Variants in ZNF385D observed in about 807,000 individuals in gnomAD.
ZNF385D encodes the protein zinc finger protein 659.
Under a neutral mutation model 35.8 loss-of-function variants are expected in ZNF385D, and 15 were observed. The ratio of observed to expected loss-of-function variants is 0.42; its 90% CI spans 0.28 to 0.64. The LOEUF is 0.64. Among genes scored for constraint, ZNF385D ranks in the 30% least tolerant of loss-of-function variants. The pLI, the probability that ZNF385D is intolerant of heterozygous loss-of-function variation, is 0.23. For synonymous variants in ZNF385D, 212 were observed against 186.8 expected (o/e 1.13, Z -1.10); for missense variants, 474 against 494.6 (o/e 0.96, Z 0.39).
At chr3:21,695,320 G>T (rs2067432153) in intron 1 of ZNF385D, among the ~76,000 whole-genome samples, 1 of 152,158 alleles carries the variant, frequency 6.6e-6, no homozygotes, top group South Asian at 2.1e-4. Context: ...TCTGGAGACA[G>T]GTGATTTTCG....
At chr3:22,062,156 A>T (rs1370495227) in intron 3 of ZNF385D, among the ~76,000 whole-genome samples, 2 of 151,874 alleles carry the variant, frequency 1.3e-5, no homozygotes, top group African/African-American at 4.8e-5. Flanking sequence ...TCCCACCTCA[A>T]CCTCCCAAAT....
At chr3:21,595,400 C>T (rs1024825410) in intron 2 of ZNF385D, among the ~76,000 whole-genome samples, 1 of 150,244 alleles carries the variant, frequency 6.7e-6, no homozygotes, top group South Asian at 2.1e-4. Context: ...GTTTTATATC[C>T]CATTATATAC....
At chr3:21,672,695 A>G (rs1482245374) in intron 1 of ZNF385D, among the ~76,000 whole-genome samples, 3 of 152,162 alleles carry the variant, frequency 2.0e-5, no homozygotes, top group South Asian at 4.1e-4. Flanking sequence ...TAAATATTCC[A>G]GTAAGTCACC....
intron 2 of ZNF385D, among the ~76,000 whole-genome samples, chr3:22,214,223 C>T (rs1418422644): frequency 1.3e-5 from 2 of 152,116 alleles, no homozygotes; most frequent in Non-Finnish European, 1.5e-5. Context: ...ATTTCATGGA[C>T]ACTTATCACT....
At chr3:22,265,636 C>T (rs1309320930) in intron 2 of ZNF385D, among the ~76,000 whole-genome samples, 1 of 151,896 alleles carries the variant, frequency 6.6e-6, no homozygotes, top group Non-Finnish European at 1.5e-5. Flanking sequence ...TATGAGTCAG[C>T]AGTCTGAAGT....
intron 3 of ZNF385D, among the ~76,000 whole-genome samples, chr3:22,126,211 T>A (rs1265546360): frequency 6.6e-6 from 1 of 151,900 alleles, no homozygotes; most frequent in Non-Finnish European, 1.5e-5. Flanking sequence ...TAATGTATCA[T>A]ATTGACTGAT....
At chr3:22,150,755 CAT>C (rs371058778) in intron 3 of ZNF385D, among the ~76,000 whole-genome samples, 1 of 151,872 alleles carries the variant, frequency 6.6e-6, no homozygotes, top group African/African-American at 2.4e-5. Context: ...AAAATTTAAA[CAT>C]ATATATATAA....
rs144506159 is a variant in ZNF385D at position 21,510,158 on chromosome 3, G to A, written c.439+703C>T. On this transcript the variant is annotated intron_variant, in intron 4 of 7. Coordinates refer to ENST00000281523, the MANE Select transcript of ZNF385D (RefSeq NM_024697.3). ...GAGGAATATTTTCTCTGTAGATTTC[G>A]AAAACCAGTGGTCTTATATTTAAAA... Among the ~76,000 whole-genome samples the A allele has an allele frequency of 2.8e-3, 429 of 152,196 alleles. 1 individual carries two copies. Among genetic ancestry groups the A allele is most frequent in the Non-Finnish European group, 4.6e-3 (316 of 68,000 alleles).
chr3:21,751,542 C>T (rs1361651722), upstream of ZNF385D: 1 of 722,590 alleles, frequency 1.4e-6, no homozygotes, highest in Non-Finnish European at 1.7e-6. Flanking sequence ...AATTTAACCT[C>T]CTCTACCAAG....
At position 21,608,926 on chromosome 3, in the gene ZNF385D, CA is replaced by C. The variant is rs562077183; in HGVS notation, c.166-44243del. ...TTCAGATGATGAGACTTCACTGACACAAGGAGGAAAAAAATTTTAAACATGT... is the reference window on the plus strand; with the variant it reads ...TTCAGATGATGAGACTTCACTGACACAGGAGGAAAAAAATTTTAAACATGT... On this transcript the variant is annotated intron_variant, in intron 2 of 7. Coordinates refer to ENST00000281523, the MANE Select transcript of ZNF385D (RefSeq NM_024697.3). Among the ~76,000 whole-genome samples the C allele has an allele frequency of 1.9e-3, 294 of 152,170 alleles. 1 individual carries two copies. Among genetic ancestry groups the C allele is most frequent in the African/African-American group, 6.6e-3 (273 of 41,512 alleles).
chr3:22,020,891 G>A (rs1037122110), intron 3 of ZNF385D, among the ~76,000 whole-genome samples: 1 of 151,812 alleles, frequency 6.6e-6, no homozygotes, highest in African/African-American at 2.4e-5. Flanking sequence ...CCATGAACAG[G>A]TCATTAGATA....
intron 2 of ZNF385D, among the ~76,000 whole-genome samples, chr3:22,202,275 A>T (rs147855109): frequency 0.017 from 2,644 of 152,244 alleles, 26 homozygotes; most frequent in Non-Finnish European, 0.029. Context: ...TGTTACTGAC[A>T]TTGTAAAAGG....
intron 3 of ZNF385D, among the ~76,000 whole-genome samples, chr3:21,777,161 G>A (rs1163219249): frequency 6.6e-6 from 1 of 151,896 alleles, no homozygotes; most frequent in East Asian, 1.9e-4. Flanking sequence ...GGTTTTGAGG[G>A]ACTAGCTTCT....
intron 4 of ZNF385D, among the ~76,000 whole-genome samples, chr3:21,499,256 A>C (rs1235885800): frequency 1.3e-5 from 2 of 152,202 alleles, no homozygotes; most frequent in African/African-American, 4.8e-5. Context: ...AGACTGGATA[A>C]GGAAAATTTG....
intron 3 of ZNF385D, among the ~76,000 whole-genome samples, chr3:22,066,532 C>CTGTG (rs10536628): frequency 9.5e-4 from 87 of 91,316 alleles, no homozygotes; most frequent in East Asian, 2.9e-3. Flanking sequence ...AGATGGTTCC[C>CTGTG]TGTGTGTGTG....
intron 3 of ZNF385D, among the ~76,000 whole-genome samples, chr3:22,098,306 G>C (rs940672054): frequency 1.3e-5 from 2 of 151,998 alleles, no homozygotes; most frequent in African/African-American, 4.8e-5. Flanking sequence ...GGAAGAATCA[G>C]ACCAAGTCAA....
At chr3:21,813,240 G>A (rs1051483003) in intron 3 of ZNF385D, among the ~76,000 whole-genome samples, 1 of 152,140 alleles carries the variant, frequency 6.6e-6, no homozygotes, top group Non-Finnish European at 1.5e-5. Flanking sequence ...ACAAAGATGG[G>A]GAGAAACCAG....
intron 3 of ZNF385D, among the ~76,000 whole-genome samples, chr3:21,967,487 CT>C (rs2125332317): frequency 6.6e-6 from 1 of 152,276 alleles, no homozygotes; most frequent in Non-Finnish European, 1.5e-5. Flanking sequence ...AACAATGGAT[CT>C]CAAATCACTA....
At chr3:22,027,678 C>T (rs1360933807) in intron 3 of ZNF385D, among the ~76,000 whole-genome samples, 3 of 152,252 alleles carry the variant, frequency 2.0e-5, no homozygotes, top group African/African-American at 7.2e-5. Context: ...GTGGGTCACG[C>T]ACAGCTGCAT....
Sources: allele counts gnomAD v4.1 joint callset (sites outside exome capture counted in the v4.1 genomes callset), GRCh38; gene constraint gnomAD v4.1.1; transcripts MANE v1.5; gene names NCBI Gene and HGNC (gene_info 2026-07-23, HGNC 2026-07-21).